IL1RAPL1: variants seen among roughly 807,000 people sequenced by gnomAD.
The protein encoded by IL1RAPL1 is interleukin-1 receptor accessory protein-like 1.
A neutral mutation model predicts 48.4 loss-of-function variants in IL1RAPL1; 3 were observed. The observed-to-expected ratio is 0.06, with a 90% CI of 0.03 to 0.16. IL1RAPL1 has a LOEUF of 0.16. Among genes scored for constraint, IL1RAPL1 ranks in the 10% least tolerant of loss-of-function variants. The probability of loss-of-function intolerance (pLI) is 1.00; values close to 1 mark genes in which losing one functional copy is unlikely to be tolerated. For synonymous variants in IL1RAPL1, 185 were observed against 187.7 expected, an observed-to-expected ratio of 0.99 and a Z score of 0.12; for missense variants, 349 against 530.6, an observed-to-expected ratio of 0.66 and a Z score of 3.36.
At chrX:29,310,138 A>AG (rs1932700059) in intron 3 of IL1RAPL1, among the ~76,000 whole-genome samples, 1 of 99,027 alleles carries the variant, frequency 1.0e-5, no homozygotes, top group Non-Finnish European at 2.0e-5. Context: ...AAGAAAGGAA[A>AG]AAAAAAAAAA....
intron 6 of IL1RAPL1, among the ~76,000 whole-genome samples, chrX:29,672,586 A>G (rs1338239101): frequency 4.5e-5 from 5 of 110,905 alleles, no homozygotes; most frequent in Non-Finnish European, 5.7e-5. Context: ...ATCTCTATCC[A>G]TTTTCTTCTC....
chrX:29,882,787 G>A (rs939838422), intron 6 of IL1RAPL1, among the ~76,000 whole-genome samples: 1 of 111,322 alleles, frequency 9.0e-6, no homozygotes, highest in Non-Finnish European at 1.9e-5. Context: ...TAGTTCTGTG[G>A]CATACATTTC....
At chrX:29,904,487 A>G (rs1471684833) in intron 6 of IL1RAPL1, among the ~76,000 whole-genome samples, 6 of 110,668 alleles carry the variant, frequency 5.4e-5, no homozygotes, top group Non-Finnish European at 9.5e-5. Context: ...TAAGCCCCGC[A>G]TGCATTAGGT....
intron 5 of IL1RAPL1, among the ~76,000 whole-genome samples, chrX:29,488,449 A>G (rs1042500746): frequency 3.7e-4 from 42 of 112,002 alleles, no homozygotes; most frequent in Non-Finnish European, 6.4e-4. Flanking sequence ...CAACAACAAC[A>G]ACAAAAAAAC....
At chrX:29,557,849 C>A (rs1004258885) in intron 5 of IL1RAPL1, among the ~76,000 whole-genome samples, 1 of 110,620 alleles carries the variant, frequency 9.0e-6, no homozygotes, top group African/African-American at 3.3e-5. Context: ...GGCATGATAT[C>A]CTTTTTTTTA....
At chrX:28,916,351 A>G (rs971909204) in intron 2 of IL1RAPL1, among the ~76,000 whole-genome samples, 5 of 111,495 alleles carry the variant, frequency 4.5e-5, no homozygotes, top group African/African-American at 1.6e-4. Context: ...GTAAATAACA[A>G]TCTATGAACA....
intron 2 of IL1RAPL1, among the ~76,000 whole-genome samples, chrX:28,971,814 G>T (rs1342074080): frequency 9.1e-6 from 1 of 109,806 alleles, no homozygotes; most frequent in Non-Finnish European, 1.9e-5. Context: ...TTGGGGATGA[G>T]GGGGAGGTCA....
chrX:28,702,762 C>A (rs1307937803), intron 1 of IL1RAPL1, among the ~76,000 whole-genome samples: 1 of 111,026 alleles, frequency 9.0e-6, no homozygotes, highest in Non-Finnish European at 1.9e-5. Context: ...ACACCATTCA[C>A]CCATTTAGTG....
chrX:29,557,422 A>G (rs754306760), intron 5 of IL1RAPL1, among the ~76,000 whole-genome samples: 1 of 112,044 alleles, frequency 8.9e-6, no homozygotes, highest in African/African-American at 3.2e-5. Context: ...AAAGTGTACA[A>G]CACGATGTTT....
intron 2 of IL1RAPL1, among the ~76,000 whole-genome samples, chrX:29,054,328 G>T (rs762353352): frequency 1.0e-3 from 111 of 111,147 alleles, no homozygotes; most frequent in Non-Finnish European, 1.7e-3. Context: ...TTCAGAGTTT[G>T]CTCCCTCACT....
intron 5 of IL1RAPL1, among the ~76,000 whole-genome samples, chrX:29,493,603 G>A (rs1935181347): frequency 8.9e-6 from 1 of 111,761 alleles, no homozygotes; most frequent in African/African-American, 3.3e-5. Flanking sequence ...ATATTTTAAT[G>A]CTTGCTGCAT....
At chrX:29,325,802 G>A (rs1174339551) in intron 3 of IL1RAPL1, among the ~76,000 whole-genome samples, 1 of 112,025 alleles carries the variant, frequency 8.9e-6, no homozygotes, top group East Asian at 2.8e-4. Flanking sequence ...TGCTACTAGT[G>A]AGGGCCTCAG....
At chrX:29,379,221 G>T (rs1191005020) in intron 3 of IL1RAPL1, among the ~76,000 whole-genome samples, 1 of 112,601 alleles carries the variant, frequency 8.9e-6, no homozygotes, top group Non-Finnish European at 1.9e-5. Flanking sequence ...TCCAGGCTGG[G>T]CAGCATAGGC....
At chrX:29,826,795 A>G (rs1449451612) in intron 6 of IL1RAPL1, among the ~76,000 whole-genome samples, 2 of 111,909 alleles carry the variant, frequency 1.8e-5, no homozygotes, top group Non-Finnish European at 1.9e-5. Context: ...ATTGATGAAT[A>G]TTTGTGTTAT....
chrX:28,781,601 G>T (rs1936424493), intron 1 of IL1RAPL1, among the ~76,000 whole-genome samples: 1 of 110,363 alleles, frequency 9.1e-6, no homozygotes, highest in African/African-American at 3.3e-5. Context: ...TTCTATCTTT[G>T]TTATATAATA....
intron 2 of IL1RAPL1, among the ~76,000 whole-genome samples, chrX:29,187,058 C>A (rs1023379568): frequency 5.4e-5 from 6 of 111,006 alleles, no homozygotes; most frequent in South Asian, 3.9e-4. Context: ...GTGCAGCAAA[C>A]CACCATCTAC....
intron 5 of IL1RAPL1, among the ~76,000 whole-genome samples, chrX:29,548,045 C>T (rs1027853504): frequency 2.7e-5 from 3 of 112,420 alleles, no homozygotes; most frequent in African/African-American, 6.5e-5. Flanking sequence ...TTGCCTTCTA[C>T]AGTCTTCAGC....
intron 1 of IL1RAPL1, among the ~76,000 whole-genome samples, chrX:28,694,025 A>G (rs1418788462): frequency 9.0e-6 from 1 of 111,576 alleles, no homozygotes; most frequent in Non-Finnish European, 1.9e-5. Flanking sequence ...TTGCCCAGTT[A>G]CACTTGTCGA....
At chrX:28,853,222 TTATAAA>T (rs760709187) in intron 2 of IL1RAPL1, among the ~76,000 whole-genome samples, 2 of 111,446 alleles carry the variant, frequency 1.8e-5, no homozygotes, top group Non-Finnish European at 3.8e-5. Context: ...ATAAAATAAA[TTATAAA>T]TATAAATGCC....
Sources: allele counts gnomAD v4.1 joint callset (sites outside exome capture counted in the v4.1 genomes callset), GRCh38; gene constraint gnomAD v4.1.1; transcripts MANE v1.5; gene names NCBI Gene and HGNC (gene_info 2026-07-23, HGNC 2026-07-21).